Variants in RYR3 observed in about 807,000 individuals in gnomAD.
The protein encoded by RYR3 is ryanodine receptor 3.
Under a neutral mutation model 584.3 loss-of-function variants are expected in RYR3, and 207 were observed. That is an observed-to-expected ratio of 0.35 (90% CI 0.32 to 0.40). The LOEUF is 0.40. RYR3 is among the 10% of genes least tolerant of loss of function. The pLI, the probability that RYR3 is intolerant of heterozygous loss-of-function variation, is 1.00. For synonymous variants in RYR3, 2,416 were observed against 2,248.5 expected (o/e 1.07, Z -2.11); for missense variants, 5,616 against 6,089.2 (o/e 0.92, Z 2.59).
In RYR3 at chr15:33,443,258, C is replaced by CA. The variant is rs5811759; in HGVS notation, c.52-30145dup. ...TGGGTGAGATAGTAAGACTCCACCT[C>CA]AAAAAAAAAAAAAAAACCCTGCATA... On this transcript the variant is annotated intron_variant, in intron 1 of 103. Coordinates refer to ENST00000634891, the MANE Select transcript of RYR3 (RefSeq NM_001036.6). Among the ~76,000 whole-genome samples, 919 of 137,040 alleles carry CA rather than the reference C, an allele frequency of 6.7e-3. 7 individuals carry two copies. The highest frequency in any genetic ancestry group is 0.011 in the East Asian group (51 of 4,594). The allele number at this position is 137,040 out of a possible 152,430, so 89.9% of individuals were successfully genotyped here. A position where few individuals can be genotyped will look rare whatever the true frequency, so the allele number is the denominator to read the frequency against.
chr15:33,415,797 C>A (rs994887046), intron 1 of RYR3, among the ~76,000 whole-genome samples: 13 of 152,136 alleles, frequency 8.5e-5, no homozygotes, highest in African/African-American at 3.1e-4. Context: ...TCTCGAATGA[C>A]CCCATCACCC....
chr15:33,610,758 A>G (rs2060140990), intron 18 of RYR3, among the ~76,000 whole-genome samples: 1 of 152,358 alleles, frequency 6.6e-6, no homozygotes, highest in Admixed American at 6.5e-5. Flanking sequence ...TACCTTGGAA[A>G]TGGGACTCAA....
chr15:33,611,588 A>G (rs138865025), intron 18 of RYR3, among the ~76,000 whole-genome samples: 24 of 152,156 alleles, frequency 1.6e-4, no homozygotes, highest in Non-Finnish European at 3.2e-4. Flanking sequence ...TAACTCCATA[A>G]AATATATATA....
At chr15:33,668,063 G>GCAAAAA (rs530580495) in intron 36 of RYR3, among the ~76,000 whole-genome samples, 6 of 97,574 alleles carry the variant, frequency 6.1e-5, no homozygotes, top group East Asian at 2.9e-4. Context: ...ACTCAGTCTT[G>GCAAAAA]AAAAAAAAAA....
chr15:33,603,348 A>G lies in RYR3; in HGVS notation c.2148A>G (p.Gly716=). ...ACCTGTACTCCTATGGCTTTGATGGACTTCACCTTTGGTCAGGTGAGTACC... is the reference window on the plus strand; with the variant it reads ...ACCTGTACTCCTATGGCTTTGATGGGCTTCACCTTTGGTCAGGTGAGTACC... ...GDDLYSYGFD[G]LHLWSGRIPR... Residue 716 remains glycine, a synonymous_variant, in exon 18 of 104, where the codon GGA becomes GGG. Coordinates refer to ENST00000634891, the MANE Select transcript of RYR3 (RefSeq NM_001036.6). 2 of 1,597,456 alleles carry G rather than the reference A, an allele frequency of 1.3e-6. No homozygotes were observed. Among genetic ancestry groups the G allele is most frequent in the South Asian group, 2.2e-5 (2 of 88,904 alleles).
chr15:33,861,566 C>G lies in RYR3; in HGVS notation c.14465+388C>G, dbSNP rs949023584. Among the ~76,000 whole-genome samples, 8 of 152,104 alleles carry G rather than the reference C, an allele frequency of 5.3e-5. No individual in the cohort carries two copies. The South Asian group carries it at 1.5e-3, about 28-fold the overall frequency. ...TGCCCTACTTCTTTTTCCCTTTCAG[C>G]ACAATTGAAAGCTGTCCATGCTCAG... On this transcript the variant is annotated intron_variant, in intron 102 of 103. Transcript: ENST00000634891.
chr15:33,677,610 C>G (rs1395484280), intron 38 of RYR3, among the ~76,000 whole-genome samples: 2 of 152,176 alleles, frequency 1.3e-5, no homozygotes, highest in African/African-American at 2.4e-5. Flanking sequence ...CTGGCAGAAT[C>G]AGGCTGCAAA....
chr15:33,632,153 T>G (rs2061299941), intron 23 of RYR3, among the ~76,000 whole-genome samples: 1 of 152,262 alleles, frequency 6.6e-6, no homozygotes, highest in Non-Finnish European at 1.5e-5. Flanking sequence ...CATCTCATGT[T>G]GCTCAGAGGT....
At chr15:33,476,259 G>A (rs942365023) in intron 2 of RYR3, among the ~76,000 whole-genome samples, 1 of 152,210 alleles carries the variant, frequency 6.6e-6, no homozygotes, top group Non-Finnish European at 1.5e-5. Context: ...AGAATGCTTT[G>A]TATCCCTCAG....
chr15:33,789,632 A>ATG (rs2074978443), intron 67 of RYR3, among the ~76,000 whole-genome samples: 1 of 15,264 alleles, frequency 6.6e-5, no homozygotes, highest in African/African-American at 2.7e-4. Context: ...TTTTATATAT[A>ATG]TATATATATA....
At chr15:33,713,861 C>T (rs28483752) in intron 43 of RYR3, among the ~76,000 whole-genome samples, 69,784 of 151,860 alleles carry the variant, frequency 0.46, 18,431 homozygotes, top group East Asian at 0.7. Flanking sequence ...TTTGTAGTGG[C>T]ACAAATCCCA....
At chr15:33,467,394 C>G in intron 1 of RYR3, 1 of 650,962 alleles carries the variant, frequency 1.5e-6, no homozygotes, top group Non-Finnish European at 1.9e-6. Flanking sequence ...ACAGGTGACC[C>G]GTAGAGAAGC....
At chr15:33,858,071 C>G in intron 99 of RYR3, 157 bp downstream of exon 99, 1 of 957,450 alleles carries the variant, frequency 1.0e-6, no homozygotes. Flanking sequence ...GATGTCTTCT[C>G]CAAACAGGAG....
chr15:33,340,661 C>T (rs528225334), intron 1 of RYR3, among the ~76,000 whole-genome samples: 1 of 152,300 alleles, frequency 6.6e-6, no homozygotes, highest in East Asian at 1.9e-4. Flanking sequence ...GTCCCTTCCT[C>T]TTCTTACAGG....
chr15:33,582,054 C>T (rs960692258), intron 14 of RYR3, among the ~76,000 whole-genome samples: 19 of 151,674 alleles, frequency 1.3e-4, no homozygotes, highest in Non-Finnish European at 7.4e-5. Flanking sequence ...TCATGATTCT[C>T]ACTGCTTTGG....
intron 11 of RYR3, among the ~76,000 whole-genome samples, chr15:33,565,182 G>A (rs931505911): frequency 3.3e-5 from 5 of 152,174 alleles, no homozygotes; most frequent in African/African-American, 1.2e-4. Context: ...CCCCCAGCCA[G>A]TTTTAAATGT....
intron 34 of RYR3, 49 bp from the exon 35 acceptor site, chr15:33,662,103 TG>T: frequency 6.9e-7 from 1 of 1,448,066 alleles, no homozygotes; most frequent in Non-Finnish European, 9.3e-7. Flanking sequence ...AGCTGGATTC[TG>T]GTGGGTTCTT....
chr15:33,547,373 G>A (rs1278167493), intron 8 of RYR3, among the ~76,000 whole-genome samples: 1 of 152,072 alleles, frequency 6.6e-6, no homozygotes, highest in Non-Finnish European at 1.5e-5. Flanking sequence ...GAAAAATTAA[G>A]GTGAAATTCA....
intron 43 of RYR3, among the ~76,000 whole-genome samples, chr15:33,715,362 G>T (rs1460138967): frequency 6.6e-6 from 1 of 152,168 alleles, no homozygotes; most frequent in Non-Finnish European, 1.5e-5. Flanking sequence ...GATTCAGCAA[G>T]CTCTTGAAAA....
Sources: allele counts gnomAD v4.1 joint callset (sites outside exome capture counted in the v4.1 genomes callset), GRCh38; gene constraint gnomAD v4.1.1; transcripts MANE v1.5; gene names NCBI Gene and HGNC (gene_info 2026-07-23, HGNC 2026-07-21).